The following TOX variants were observed in gnomAD, a reference collection of about 807,000 sequenced individuals.
TOX encodes the protein thymocyte selection-associated high mobility group box protein TOX.
TOX carries 11 observed loss-of-function variants against 53.7 expected under a neutral mutation model. The ratio of observed to expected loss-of-function variants is 0.20; its 90% CI spans 0.13 to 0.34. The LOEUF is 0.34. Ranked by LOEUF, TOX falls within the 10% of genes least tolerant of loss-of-function variation. TOX has a pLI of 1.00. For synonymous variants in TOX, 225 were observed against 245.3 expected, an observed-to-expected ratio of 0.92 and a Z score of 0.77; for missense variants, 570 against 664.6, an observed-to-expected ratio of 0.86 and a Z score of 1.56.
intron 1 of TOX, among the ~76,000 whole-genome samples, chr8:59,100,562 T>C (rs976095706): frequency 6.6e-6 from 1 of 152,082 alleles, no homozygotes; most frequent in Non-Finnish European, 1.5e-5. Flanking sequence ...GGGGAAGAAA[T>C]GAGATGGTAA....
At chr8:58,820,689 A>G (rs1015573840) in intron 6 of TOX, among the ~76,000 whole-genome samples, 1 of 152,206 alleles carries the variant, frequency 6.6e-6, no homozygotes, top group African/African-American at 2.4e-5. Flanking sequence ...TGTGAAAACA[A>G]TGTAACAAGA....
intron 3 of TOX, among the ~76,000 whole-genome samples, chr8:58,894,836 C>T (rs924003905): frequency 3.3e-5 from 5 of 151,996 alleles, no homozygotes; most frequent in African/African-American, 1.2e-4. Flanking sequence ...GTGGAGGTTG[C>T]AGTGAGCCGA....
intron 1 of TOX, among the ~76,000 whole-genome samples, chr8:59,000,574 G>A (rs575765237): frequency 1.7e-4 from 26 of 152,212 alleles, no homozygotes; most frequent in African/African-American, 6.3e-4. Flanking sequence ...AGTTTGGCTT[G>A]AAAATCTTTT....
At chr8:59,014,262 C>T (rs986356132) in intron 1 of TOX, among the ~76,000 whole-genome samples, 1 of 152,220 alleles carries the variant, frequency 6.6e-6, no homozygotes, top group African/African-American at 2.4e-5. Context: ...AAATAAAGCA[C>T]TGATAACAGC....
chr8:58,922,180 C>G (rs1337819169), intron 3 of TOX, among the ~76,000 whole-genome samples: 2 of 150,596 alleles, frequency 1.3e-5, no homozygotes, highest in African/African-American at 4.8e-5. Context: ...GCCAGTATCC[C>G]TGGTGCCTCA....
intron 5 of TOX, 127 bp from the exon 6 acceptor site, chr8:58,827,029 T>C (rs1249842650): frequency 2.0e-6 from 1 of 503,216 alleles, no homozygotes; most frequent in Non-Finnish European, 3.0e-6. Flanking sequence ...AATATATATC[T>C]CCCCAAAGAT....
intron 6 of TOX, among the ~76,000 whole-genome samples, chr8:58,825,596 A>G (rs1810352170): frequency 6.6e-6 from 1 of 152,218 alleles, no homozygotes; most frequent in African/African-American, 2.4e-5. Context: ...TGCTCTGACT[A>G]AAACTCTATT....
At chr8:59,074,760 C>A (rs1252673336) in intron 1 of TOX, among the ~76,000 whole-genome samples, 2 of 152,038 alleles carry the variant, frequency 1.3e-5, no homozygotes, top group South Asian at 4.2e-4. Context: ...ATAGCTTGAG[C>A]ATTAAAGGAG....
At chr8:59,004,320 C>A (rs1813747900) in intron 1 of TOX, among the ~76,000 whole-genome samples, 1 of 152,168 alleles carries the variant, frequency 6.6e-6, no homozygotes, top group African/African-American at 2.4e-5. Flanking sequence ...TTGTAAGCAA[C>A]TAGTGTAGTT....
At chr8:58,921,673 C>T (rs572408362) in intron 3 of TOX, among the ~76,000 whole-genome samples, 51 of 152,318 alleles carry the variant, frequency 3.3e-4, no homozygotes, top group African/African-American at 1.2e-3. Flanking sequence ...CCCTTCCCTA[C>T]AAATTTTGTA....
chr8:58,865,199 G>A (rs2129169450), intron 3 of TOX, among the ~76,000 whole-genome samples: 1 of 152,204 alleles, frequency 6.6e-6, no homozygotes, highest in South Asian at 2.1e-4. Flanking sequence ...TGTGTACAAG[G>A]GGTTTAACCA....
intron 7 of TOX, among the ~76,000 whole-genome samples, chr8:58,809,888 A>G (rs1316173335): frequency 6.6e-6 from 1 of 152,210 alleles, no homozygotes; most frequent in East Asian, 1.9e-4. Context: ...GTGGCTCAAT[A>G]AATCATGTTT....
At chr8:58,846,967 T>C (rs993348058) in intron 4 of TOX, among the ~76,000 whole-genome samples, 3 of 152,180 alleles carry the variant, frequency 2.0e-5, no homozygotes, top group Non-Finnish European at 2.9e-5. Context: ...AAATCTCTTG[T>C]GTTCATTCAC....
intron 2 of TOX, among the ~76,000 whole-genome samples, chr8:58,949,901 T>C (rs1296437085): frequency 8.2e-6 from 1 of 121,528 alleles, no homozygotes. Flanking sequence ...GTATAGTTCA[T>C]ATACACGTGT....
rs780628982 is a variant in TOX at position 58,838,270 on chromosome 8, T to C, written c.735A>G (p.Lys245=). ...GEKRPASDMG[K]KPKTPKKKKK... is the part of the protein sequence containing the mutation. ...TCTTCTTTTTGGGAGTTTTTGGTTT[T>C]TTCCCCATATCAGAGGCAGGCCGCT... is the stretch of plus-strand genomic sequence containing the variant. Residue 245 remains lysine, a synonymous_variant, in exon 5 of 9, where the codon AAA becomes AAG. Transcript: ENST00000361421. The C allele has an allele frequency of 1.6e-5, 26 of 1,613,968 alleles. No individual in the cohort carries two copies. In the Middle Eastern group the frequency reaches 6.6e-4, roughly 41 times the overall value.
At chr8:58,893,217 C>CCG (rs59469169) in intron 3 of TOX, among the ~76,000 whole-genome samples, 2 of 151,934 alleles carry the variant, frequency 1.3e-5, no homozygotes, top group Admixed American at 6.6e-5. Flanking sequence ...ATCTCCCCCC[C>CCG]ACAAAACACA....
intron 3 of TOX, among the ~76,000 whole-genome samples, chr8:58,894,463 G>C (rs967355819): frequency 1.3e-5 from 2 of 152,196 alleles, no homozygotes; most frequent in African/African-American, 4.8e-5. Flanking sequence ...TGATATTGAT[G>C]TTAAAAGAAT....
At chr8:58,896,862 C>T (rs1312361100) in intron 3 of TOX, among the ~76,000 whole-genome samples, 1 of 152,166 alleles carries the variant, frequency 6.6e-6, no homozygotes, top group Non-Finnish European at 1.5e-5. Flanking sequence ...GCTTCATACA[C>T]AAAGAAATGC....
chr8:58,886,297 T>C (rs1448461379), intron 3 of TOX, among the ~76,000 whole-genome samples: 1 of 152,142 alleles, frequency 6.6e-6, no homozygotes, highest in African/African-American at 2.4e-5. Flanking sequence ...AAAGCTACAA[T>C]AGACATGAGC....
Sources: gnomAD v4.1 joint callset for allele counts (sites outside exome capture counted in the v4.1 genomes callset) on GRCh38, gnomAD v4.1.1 for gene constraint, MANE v1.5 for transcripts, NCBI Gene and HGNC (gene_info 2026-07-23, HGNC 2026-07-21) for gene names.